Variants in PCDH15 observed in about 807,000 individuals in gnomAD.
The protein encoded by PCDH15 is protocadherin-15.
Under a neutral mutation model 178.5 loss-of-function variants are expected in PCDH15, and 129 were observed. The ratio of observed to expected loss-of-function variants is 0.72; its 90% CI spans 0.63 to 0.84. PCDH15 has a LOEUF of 0.84. PCDH15 is among the 40% of genes least tolerant of loss of function. The pLI, the probability that PCDH15 is intolerant of heterozygous loss-of-function variation, is 0.00. For missense variants in PCDH15, 2,230 were observed against 2,099.9 expected (o/e 1.06, Z -1.21); for synonymous variants, 800 against 732.0 (o/e 1.09, Z -1.50).
chr10:53,951,648 G>A (rs779500034), intron 23 of PCDH15, among the ~76,000 whole-genome samples: 21 of 152,242 alleles, frequency 1.4e-4, no homozygotes, highest in South Asian at 2.1e-4. Context: ...TTTGTTTACA[G>A]TTGTAGAAAA....
At chr10:55,443,952 C>T (rs1190877623) in intron 2 of PCDH15, among the ~76,000 whole-genome samples, 1 of 151,990 alleles carries the variant, frequency 6.6e-6, no homozygotes, top group Non-Finnish European at 1.5e-5. Flanking sequence ...TACTATGCAG[C>T]CATAAAAAAG....
chr10:55,493,277 G>A (rs1181333113), intron 2 of PCDH15, among the ~76,000 whole-genome samples: 1 of 151,500 alleles, frequency 6.6e-6, no homozygotes, highest in Admixed American at 6.6e-5. Flanking sequence ...AAAGCTAGGT[G>A]GGGCATGGTC....
intron 3 of PCDH15, among the ~76,000 whole-genome samples, chr10:54,400,571 G>A (rs1209943342): frequency 2.6e-5 from 4 of 151,842 alleles, no homozygotes; most frequent in Non-Finnish European, 5.9e-5. Context: ...TATTTGTATT[G>A]GGCTATGAAT....
intron 3 of PCDH15, among the ~76,000 whole-genome samples, chr10:54,872,756 CA>C (rs1349803338): frequency 1.3e-5 from 2 of 152,032 alleles, no homozygotes; most frequent in Non-Finnish European, 2.9e-5. Flanking sequence ...CTGTAGCTAT[CA>C]GGATTAAAGA....
chr10:55,194,820 G>GT (rs1457032381), intron 1 of PCDH15, among the ~76,000 whole-genome samples: 1 of 150,406 alleles, frequency 6.6e-6, no homozygotes, highest in Non-Finnish European at 1.5e-5. Flanking sequence ...TAATTTAGAA[G>GT]TAAAAAAAAA....
At chr10:53,987,773 G>C (rs966634193) in intron 21 of PCDH15, among the ~76,000 whole-genome samples, 1 of 152,088 alleles carries the variant, frequency 6.6e-6, no homozygotes, top group South Asian at 2.1e-4. Flanking sequence ...TCCTTACCCT[G>C]TCTGCAAAGT....
intron 20 of PCDH15, among the ~76,000 whole-genome samples, chr10:54,018,952 T>G (rs1298599785): frequency 6.6e-6 from 1 of 152,100 alleles, no homozygotes; most frequent in Non-Finnish European, 1.5e-5. Context: ...AAAGTTAAAT[T>G]GTTTATTCAA....
At chr10:54,651,494 T>G (rs994822158) in intron 2 of PCDH15, among the ~76,000 whole-genome samples, 2 of 152,196 alleles carry the variant, frequency 1.3e-5, no homozygotes, top group Non-Finnish European at 2.9e-5. Flanking sequence ...TCACTTCAAC[T>G]TCTGCAGTAA....
chr10:55,058,461 C>T (rs999617492), intron 2 of PCDH15, among the ~76,000 whole-genome samples: 1 of 152,058 alleles, frequency 6.6e-6, no homozygotes. Context: ...CCACCTGTCT[C>T]GGCTCTCAAA....
intron 27 of PCDH15, among the ~76,000 whole-genome samples, chr10:53,858,935 T>C (rs2078929523): frequency 1.3e-5 from 2 of 152,110 alleles, no homozygotes; most frequent in African/African-American, 4.8e-5. Context: ...GCAGTAAAAT[T>C]ACATGATAAA....
In PCDH15 at chr10:54,378,906, G is replaced by A; in HGVS notation, c.194C>T (p.Thr65Ile). The A allele has an allele frequency of 6.2e-7, 1 of 1,613,738 alleles. No individual in the cohort carries two copies. The highest frequency in any genetic ancestry group is 1.3e-5 in the African/African-American group (1 of 74,986). Residue 65 changes from threonine (T) to isoleucine (I), a missense_variant, in exon 4 of 38, where the codon ACT becomes ATT. Coordinates refer to ENST00000644397, the MANE Select transcript of PCDH15 (RefSeq NM_001384140.1). Reference sequence around the variant, plus strand: ...TATGGTGGGGTCTGGTCCTCCAGCAGTCCCTTTGATCAGCATGTTGTCCAC... The same window carrying A: ...TATGGTGGGGTCTGGTCCTCCAGCAATCCCTTTGATCAGCATGTTGTCCAC... ...ILVDNMLIKG[T>I]AGGPDPTIEL...
At chr10:54,697,480 T>C (rs1565969119) in intron 1 of PCDH15, among the ~76,000 whole-genome samples, 1 of 150,904 alleles carries the variant, frequency 6.6e-6, no homozygotes, top group Non-Finnish European at 1.5e-5. Flanking sequence ...TTTTATTTTT[T>C]CATTATGTAT....
intron 14 of PCDH15, among the ~76,000 whole-genome samples, chr10:54,145,752 A>G (rs1025087853): frequency 3.9e-5 from 6 of 152,110 alleles, no homozygotes; most frequent in African/African-American, 1.4e-4. Flanking sequence ...GTAAGAGTTA[A>G]GGTACAGAGG....
At chr10:53,962,556 T>C (rs1350441705) in intron 21 of PCDH15, among the ~76,000 whole-genome samples, 2 of 152,200 alleles carry the variant, frequency 1.3e-5, no homozygotes, top group Non-Finnish European at 1.5e-5. Context: ...GGTAAGTTAA[T>C]GACGCTAACA....
intron 2 of PCDH15, among the ~76,000 whole-genome samples, chr10:55,404,420 C>A (rs946052474): frequency 6.6e-6 from 1 of 151,894 alleles, no homozygotes; most frequent in Non-Finnish European, 1.5e-5. Flanking sequence ...TTTTTCTGAG[C>A]GTCACTAGCA....
chr10:53,931,636 A>G lies in PCDH15; in HGVS notation c.3373+7179T>C, dbSNP rs186972015. Among the ~76,000 whole-genome samples, 106 of 152,272 alleles carry G rather than the reference A, an allele frequency of 7.0e-4. No homozygotes were observed. In the Middle Eastern group the frequency reaches 0.01, roughly 15 times the overall value. ...AAACTCTATTATTTTCTTTCATACTATCTCTTTAATCCTGCTAATATGGGC... is the reference window on the plus strand; with the variant it reads ...AAACTCTATTATTTTCTTTCATACTGTCTCTTTAATCCTGCTAATATGGGC... On this transcript the variant is annotated intron_variant, in intron 25 of 37. Coordinates refer to ENST00000644397, the MANE Select transcript of PCDH15 (RefSeq NM_001384140.1).
At chr10:55,572,531 AC>A (rs1343821553) in intron 2 of PCDH15, among the ~76,000 whole-genome samples, 7 of 152,128 alleles carry the variant, frequency 4.6e-5, no homozygotes, top group African/African-American at 1.7e-4. Flanking sequence ...TGATCAAAAC[AC>A]ATACAATTAT....
intron 20 of PCDH15, among the ~76,000 whole-genome samples, chr10:54,017,953 A>T (rs1911376): frequency 0.071 from 10,804 of 152,220 alleles, 1,049 homozygotes; most frequent in African/African-American, 0.22. Context: ...AGTTATACTA[A>T]TTATGTATTG....
chr10:54,000,657 G>T (rs1005657324), intron 20 of PCDH15, among the ~76,000 whole-genome samples: 2 of 149,202 alleles, frequency 1.3e-5, no homozygotes, highest in African/African-American at 2.5e-5. Context: ...AGAAAAAAAA[G>T]AACAAAATCA....
Sources: allele counts gnomAD v4.1 joint callset (sites outside exome capture counted in the v4.1 genomes callset), GRCh38; gene constraint gnomAD v4.1.1; transcripts MANE v1.5; gene names NCBI Gene and HGNC (gene_info 2026-07-23, HGNC 2026-07-21).